The following AGBL1 variants were observed in gnomAD, a reference collection of about 807,000 sequenced individuals.
The protein encoded by AGBL1 is cytosolic carboxypeptidase 4.
Under a neutral mutation model 118.9 loss-of-function variants are expected in AGBL1, and 130 were observed. The ratio of observed to expected loss-of-function variants is 1.09; its 90% CI spans 0.95 to 1.26. AGBL1 has a LOEUF of 1.26. AGBL1 is among the 50% of genes most tolerant of loss of function. The pLI is 0.00. For synonymous variants in AGBL1, 555 were observed against 478.9 expected, an observed-to-expected ratio of 1.16 and a Z score of -2.08; for missense variants, 1,584 against 1,298.1, an observed-to-expected ratio of 1.22 and a Z score of -3.38.
intron 23 of AGBL1, chr15:86,987,851 G>T: frequency 4.8e-6 from 4 of 836,886 alleles, no homozygotes; most frequent in Non-Finnish European, 6.8e-6. Flanking sequence ...TATGTTGCTG[G>T]TATCTTACTA....
intron 1 of AGBL1, among the ~76,000 whole-genome samples, chr15:86,128,152 A>G (rs138380447): frequency 0.025 from 3,752 of 152,246 alleles, 142 homozygotes; most frequent in African/African-American, 0.086. Context: ...AGACTGGGTA[A>G]TTTATAAAGG....
At chr15:86,850,567 C>T (rs764596627) in intron 22 of AGBL1, among the ~76,000 whole-genome samples, 1 of 152,124 alleles carries the variant, frequency 6.6e-6, no homozygotes, top group Non-Finnish European at 1.5e-5. Flanking sequence ...GCATCAAAAC[C>T]CATCTTCCTC....
At chr15:87,024,066 T>C (rs2081698037) in intron 24 of AGBL1, among the ~76,000 whole-genome samples, 1 of 151,820 alleles carries the variant, frequency 6.6e-6, no homozygotes, top group African/African-American at 2.4e-5. Flanking sequence ...AGTTCACACC[T>C]CAAGTAACTA....
chr15:86,214,553 T>A (rs903439244), intron 5 of AGBL1, among the ~76,000 whole-genome samples: 2 of 152,234 alleles, frequency 1.3e-5, no homozygotes, highest in Non-Finnish European at 2.9e-5. Context: ...CCTTAAGTGC[T>A]AACTTGAGAG....
At chr15:86,098,827 A>AT (rs558693688) in intron 1 of AGBL1, among the ~76,000 whole-genome samples, 27 of 151,880 alleles carry the variant, frequency 1.8e-4, no homozygotes, top group African/African-American at 6.0e-4. Flanking sequence ...AAAATTTTAG[A>AT]TTTTTTTTAA....
intron 4 of AGBL1, 33 bp downstream of exon 4, chr15:86,154,594 C>T: frequency 6.3e-7 from 1 of 1,579,832 alleles, no homozygotes; most frequent in Non-Finnish European, 8.6e-7. Context: ...TCGGGGATGG[C>T]TTCCAAACCT....
intron 23 of AGBL1, among the ~76,000 whole-genome samples, chr15:86,926,529 C>A (rs906896919): frequency 3.9e-5 from 6 of 152,076 alleles, no homozygotes; most frequent in Non-Finnish European, 7.4e-5. Context: ...GACCCCCAAC[C>A]CAAAAGAAGC....
intron 21 of AGBL1, among the ~76,000 whole-genome samples, chr15:86,619,201 G>A (rs956060612): frequency 1.3e-5 from 2 of 151,996 alleles, no homozygotes; most frequent in African/African-American, 4.8e-5. Flanking sequence ...ATAACGTCAA[G>A]CATATAATAA....
intron 23 of AGBL1, among the ~76,000 whole-genome samples, chr15:86,934,368 T>A (rs182387504): frequency 1.9e-4 from 29 of 152,168 alleles, no homozygotes; most frequent in Non-Finnish European, 3.1e-4. Context: ...CAAGAATAAG[T>A]CTTTGGGATC....
intron 6 of AGBL1, among the ~76,000 whole-genome samples, chr15:86,247,213 C>T (rs1650171543): frequency 6.6e-6 from 1 of 152,066 alleles, no homozygotes; most frequent in African/African-American, 2.4e-5. Flanking sequence ...GTTTGCTGGC[C>T]CAAGATTTAA....
intron 17 of AGBL1, among the ~76,000 whole-genome samples, chr15:86,334,820 C>G (rs1378174168): frequency 6.6e-6 from 1 of 152,038 alleles, no homozygotes; most frequent in Admixed American, 6.6e-5. Flanking sequence ...GACACATAGA[C>G]CAATGGAACA....
chr15:86,427,165 A>G (rs918362676), intron 18 of AGBL1, among the ~76,000 whole-genome samples: 10 of 152,234 alleles, frequency 6.6e-5, no homozygotes, highest in African/African-American at 2.4e-4. Flanking sequence ...TGACTGAATT[A>G]CTGGGGTAGA....
chr15:86,238,917 G>A (rs1281195500), intron 6 of AGBL1, among the ~76,000 whole-genome samples: 1 of 152,180 alleles, frequency 6.6e-6, no homozygotes, highest in African/African-American at 2.4e-5. Context: ...GCCTCCCAAA[G>A]TGCTGGAATT....
intron 22 of AGBL1, among the ~76,000 whole-genome samples, chr15:86,726,663 G>A (rs775367870): frequency 6.6e-6 from 1 of 152,148 alleles, no homozygotes; most frequent in African/African-American, 2.4e-5. Context: ...CTGGGCTCAA[G>A]CAATCCTTCT....
At chr15:86,139,423 C>T (rs1026811262) in intron 1 of AGBL1, among the ~76,000 whole-genome samples, 6 of 152,188 alleles carry the variant, frequency 3.9e-5, no homozygotes, top group African/African-American at 1.2e-4. Flanking sequence ...TCGTTCTTGT[C>T]AGTCAGGGAA....
chr15:86,549,657 T>C (rs1033053695), intron 20 of AGBL1, among the ~76,000 whole-genome samples: 5 of 151,892 alleles, frequency 3.3e-5, no homozygotes, highest in African/African-American at 7.3e-5. Flanking sequence ...AAGCAGTCAG[T>C]AGAAACAAGA....
chr15:86,777,316 T>C (rs1231089329), intron 22 of AGBL1, among the ~76,000 whole-genome samples: 1 of 152,072 alleles, frequency 6.6e-6, no homozygotes, highest in Non-Finnish European at 1.5e-5. Flanking sequence ...GGTGAAATAC[T>C]TATTTATATA....
chr15:86,527,070 G>T (rs2346741), intron 19 of AGBL1, among the ~76,000 whole-genome samples: 40 of 152,174 alleles, frequency 2.6e-4, no homozygotes, highest in African/African-American at 9.4e-4. Context: ...TCTCCCTCCT[G>T]CAATCTTAGA....
At chr15:86,789,549 G>A (rs1455759131) in intron 22 of AGBL1, among the ~76,000 whole-genome samples, 1 of 152,108 alleles carries the variant, frequency 6.6e-6, no homozygotes, top group South Asian at 2.1e-4. Context: ...GGGGAGGTGA[G>A]TAATGAGCCT....
Sources: allele counts gnomAD v4.1 joint callset (sites outside exome capture counted in the v4.1 genomes callset), GRCh38; gene constraint gnomAD v4.1.1; transcripts MANE v1.5; gene names NCBI Gene and HGNC (gene_info 2026-07-23, HGNC 2026-07-21).